Variants in SEMA6D observed in about 807,000 individuals in gnomAD.
SEMA6D encodes semaphorin 6D, also known as semaphorin-6D.
SEMA6D carries 35 observed loss-of-function variants against 106.6 expected under a neutral mutation model. The ratio of observed to expected loss-of-function variants is 0.33; its 90% confidence interval spans 0.25 to 0.44. SEMA6D has a LOEUF of 0.44. Ranked by LOEUF, SEMA6D falls within the 20% of genes least tolerant of loss-of-function variation. The pLI, the probability that SEMA6D is intolerant of heterozygous loss-of-function variation, is 1.00. For synonymous variants in SEMA6D, 499 were observed against 487.7 expected (o/e 1.02, Z -0.31); for missense variants, 1,185 against 1,345.9 (o/e 0.88, Z 1.87).
chr15:47,373,877 G>A (rs1292309240), intron 1 of SEMA6D, among the ~76,000 whole-genome samples: 2 of 152,128 alleles, frequency 1.3e-5, no homozygotes, highest in Admixed American at 1.3e-4. Context: ...CCTTTTCGTT[G>A]GATAAAGGCA....
chr15:47,533,164 T>C (rs764889632), intron 3 of SEMA6D, among the ~76,000 whole-genome samples: 1 of 152,242 alleles, frequency 6.6e-6, no homozygotes. Context: ...ATAATGTGTT[T>C]ATTTTTCCTA....
intron 1 of SEMA6D, among the ~76,000 whole-genome samples, chr15:47,335,049 C>A (rs566791113): frequency 6.6e-6 from 1 of 151,996 alleles, no homozygotes; most frequent in African/African-American, 2.4e-5. Context: ...CCCACAAAGG[C>A]GAAAATTATG....
chr15:47,447,886 G>A (rs2042074031), intron 2 of SEMA6D, among the ~76,000 whole-genome samples: 1 of 152,134 alleles, frequency 6.6e-6, no homozygotes, highest in Admixed American at 6.5e-5. Flanking sequence ...GAATTGTATT[G>A]GAGGATGCCC....
intron 1 of SEMA6D, among the ~76,000 whole-genome samples, chr15:47,189,572 A>G (rs1480885374): frequency 1.3e-5 from 2 of 152,224 alleles, no homozygotes; most frequent in African/African-American, 2.4e-5. Context: ...TGGTTAGGCT[A>G]AGGCCAAAAA....
intron 3 of SEMA6D, among the ~76,000 whole-genome samples, chr15:47,505,112 C>T (rs967731633): frequency 1.3e-5 from 2 of 152,000 alleles, no homozygotes; most frequent in African/African-American, 2.4e-5. Flanking sequence ...TCAGGCCTTC[C>T]GGAAGTTAGA....
chr15:47,765,785 G>T, intron 13 of SEMA6D, 84 bp from the exon 14 acceptor site: 2 of 1,288,860 alleles, frequency 1.6e-6, no homozygotes, highest in Non-Finnish European at 2.1e-6. Flanking sequence ...TATTCCTTAT[G>T]ATTTCCCAGG....
At position 47,215,027 on chromosome 15, in the gene SEMA6D, A is replaced by G. The variant is rs74013746; in HGVS notation, c.-239+30609A>G. On this transcript the variant is annotated intron_variant, in intron 1 of 19. Coordinates refer to the SEMA6D transcript ENST00000558014. ...ATAAGCAGTGGAAGCACATGATCTG[A>G]TGACTGTTTTATAAACAGACCTAAG... is the stretch of plus-strand genomic sequence containing the variant. Among the ~76,000 whole-genome samples the G allele has an allele frequency of 4.2e-3, 639 of 151,868 alleles. 5 individuals carry two copies. The highest frequency in any genetic ancestry group is 0.015 in the African/African-American group (615 of 41,312).
intron 1 of SEMA6D, chr15:47,731,040 G>C: frequency 1.7e-6 from 1 of 581,014 alleles, no homozygotes; most frequent in South Asian, 2.3e-5. Flanking sequence ...TCATGAATGT[G>C]CATGTAGCTA....
At chr15:47,461,049 C>T (rs906373920) in intron 2 of SEMA6D, among the ~76,000 whole-genome samples, 6 of 152,104 alleles carry the variant, frequency 3.9e-5, no homozygotes, top group African/African-American at 7.2e-5. Context: ...TCCTGACCTT[C>T]TTTTTGCTCC....
intron 3 of SEMA6D, among the ~76,000 whole-genome samples, chr15:47,530,881 A>T (rs2044938418): frequency 6.6e-6 from 1 of 152,182 alleles, no homozygotes; most frequent in Admixed American, 6.5e-5. Flanking sequence ...TGGGGCTAAG[A>T]ATGGTGCCTG....
rs151033295 is a variant in SEMA6D, at chr15:47,310,066, A to G, written c.-238-102327A>G. Among the ~76,000 whole-genome samples the G allele has an allele frequency of 1.9e-3, 283 of 152,320 alleles. 4 individuals carry two copies. Among genetic ancestry groups the G allele is most frequent in the Middle Eastern group, 6.8e-3 (2 of 294 alleles). On this transcript the variant is annotated intron_variant, in intron 1 of 19. Coordinates refer to the SEMA6D transcript ENST00000558014. ...CTCACTCATTTTCAGCTTTCTCACT[A>G]TAAATTCTAAATTTCTGGTTCTGTG...
chr15:47,404,526 C>T (rs1489603296), intron 1 of SEMA6D, among the ~76,000 whole-genome samples: 2 of 152,136 alleles, frequency 1.3e-5, no homozygotes, highest in Admixed American at 6.5e-5. Flanking sequence ...CACCACCTCT[C>T]TCTAAGACCT....
chr15:47,234,330 A>C (rs1882413303), intron 1 of SEMA6D, among the ~76,000 whole-genome samples: 2 of 151,898 alleles, frequency 1.3e-5, no homozygotes, highest in South Asian at 4.1e-4. Flanking sequence ...ATATATAAAA[A>C]TATATATTAT....
chr15:47,710,354 A>C (rs368444171), intron 4 of SEMA6D, among the ~76,000 whole-genome samples: 4 of 152,178 alleles, frequency 2.6e-5, no homozygotes, highest in Non-Finnish European at 4.4e-5. Flanking sequence ...TTGAGTTAAC[A>C]TATTTAATAG....
At position 47,207,444 on chromosome 15, in the gene SEMA6D, A is replaced by G. The variant is rs554900992; in HGVS notation, c.-239+23026A>G. 2.0e-5 allele frequency among the ~76,000 whole-genome samples: 3 copies of G among 152,146 alleles called. No homozygotes were observed. The South Asian group carries it at 6.2e-4, about 32-fold the overall frequency. Reference sequence around the variant, plus strand: ...AAACTCTTCTGAGTCTCTTTGGAAAACCATTATTTTATTACCCTTTTCCAA... The same window carrying G: ...AAACTCTTCTGAGTCTCTTTGGAAAGCCATTATTTTATTACCCTTTTCCAA... On this transcript the variant is annotated intron_variant, in intron 1 of 19. Transcript: ENST00000558014.
chr15:47,571,302 A>G (rs937662176), intron 3 of SEMA6D, among the ~76,000 whole-genome samples: 1 of 152,238 alleles, frequency 6.6e-6, no homozygotes, highest in Non-Finnish European at 1.5e-5. Context: ...TTTGGAAGAA[A>G]GCATTTGAAA....
chr15:47,770,230 A>G (rs2082556833), intron 18 of SEMA6D, among the ~76,000 whole-genome samples: 1 of 152,154 alleles, frequency 6.6e-6, no homozygotes, highest in Non-Finnish European at 1.5e-5. Flanking sequence ...TGTAACAACT[A>G]TTTATGAGGG....
intron 1 of SEMA6D, among the ~76,000 whole-genome samples, chr15:47,285,622 G>T (rs549773433): frequency 6.6e-6 from 1 of 152,312 alleles, no homozygotes; most frequent in East Asian, 1.9e-4. Flanking sequence ...CAGATGAAAA[G>T]TGGATGAACT....
intron 3 of SEMA6D, among the ~76,000 whole-genome samples, chr15:47,585,431 T>C (rs548903891): frequency 1.3e-5 from 2 of 152,204 alleles, no homozygotes; most frequent in Non-Finnish European, 2.9e-5. Context: ...ACGGCTCTCA[T>C]GTCCCAAATT....
Sources: gnomAD v4.1 joint callset for allele counts (sites outside exome capture counted in the v4.1 genomes callset) on GRCh38, gnomAD v4.1.1 for gene constraint, MANE v1.5 for transcripts, NCBI Gene and HGNC (gene_info 2026-07-23, HGNC 2026-07-21) for gene names.